The following KDM7A variants were observed in gnomAD, a reference collection of about 807,000 sequenced individuals.
KDM7A encodes lysine demethylase 7A.
KDM7A carries 28 observed loss-of-function variants against 114.8 expected under a neutral mutation model. That is an observed-to-expected ratio of 0.24 (90% CI 0.18 to 0.33). The LOEUF is 0.33. Ranked by LOEUF, KDM7A falls within the 10% of genes least tolerant of loss-of-function variation. The probability of loss-of-function intolerance (pLI) is 1.00; values close to 1 mark genes in which losing one functional copy is unlikely to be tolerated. For synonymous variants in KDM7A, 423 were observed against 397.8 expected, an observed-to-expected ratio of 1.06 and a Z score of -0.75; for missense variants, 942 against 1,142.5, an observed-to-expected ratio of 0.82 and a Z score of 2.53.
At position 140,176,967 on chromosome 7, in the gene KDM7A, T is replaced by C; in HGVS notation, c.-30A>G. On this transcript the variant is annotated 5_prime_UTR_variant, in exon 1 of 20. Coordinates refer to ENST00000397560, the MANE Select transcript of KDM7A (RefSeq NM_030647.2). The surrounding 1 kb of genome is among the most constrained non-coding windows in gnomAD (Gnocchi z 4.4). ...AAAAAACACACACACGCTCGCTCGCTACTCCGCTCGCCGACTGGAGCGAGC... is the reference window on the plus strand; with the variant it reads ...AAAAAACACACACACGCTCGCTCGCCACTCCGCTCGCCGACTGGAGCGAGC... 2.7e-6 allele frequency: 3 copies of C among 1,099,984 alleles called. No individual in the cohort carries two copies. The highest frequency in any genetic ancestry group is 4.0e-4 in the Middle Eastern group (1 of 2,530). The allele number at this position is 1,099,984 out of a possible 1,614,324, so 68.1% of individuals were successfully genotyped here.
intron 10 of KDM7A, among the ~76,000 whole-genome samples, chr7:140,112,762 G>C (rs1446646330): frequency 1.3e-5 from 2 of 152,158 alleles, no homozygotes; most frequent in East Asian, 3.8e-4. Context: ...CCCAGTTGAA[G>C]GAAACACAAA....
rs6975136 is a variant in KDM7A at position 140,091,937 on chromosome 7, C to G, written c.2598G>C (p.Ser866=). 3 of 1,613,810 alleles carry G rather than the reference C, an allele frequency of 1.9e-6. No homozygotes were observed. Among genetic ancestry groups the G allele is most frequent in the Non-Finnish European group, 2.5e-6 (3 of 1,180,012 alleles). ...GKYMQNSNLT[S]GACQISNGSL... is the part of the protein sequence containing the mutation. ...TGCCATTACTTATCTGGCACGCCCC[C>G]GAAGTCAGGTTTGAATTCTGCATAT... The change falls in exon 19 of 20, where the codon TCG becomes TCC. Residue 866 remains serine (S), a synonymous_variant. Coordinates refer to ENST00000397560, the MANE Select transcript of KDM7A (RefSeq NM_030647.2).
chr7:140,106,822 T>C (rs890931665), intron 11 of KDM7A, among the ~76,000 whole-genome samples: 1 of 152,180 alleles, frequency 6.6e-6, no homozygotes, highest in Admixed American at 6.5e-5. Context: ...GCAAGCTGAG[T>C]TCAATTCCTG....
chr7:140,121,272 T>C (rs62491411), intron 7 of KDM7A, among the ~76,000 whole-genome samples: 1 of 152,184 alleles, frequency 6.6e-6, no homozygotes, highest in African/African-American at 2.4e-5. Flanking sequence ...GTCTAACTTT[T>C]GAAAAAAATG....
At chr7:140,091,753 C>A in intron 19 of KDM7A, 51 bp downstream of exon 19, 8 of 1,588,684 alleles carry the variant, frequency 5.0e-6, no homozygotes, top group Non-Finnish European at 6.0e-6. Context: ...GCCATGATGA[C>A]CATCACATAC....
At position 140,086,016 on chromosome 7, in the gene KDM7A, T is replaced by C. The variant is rs2116723733; in HGVS notation, c.*5078A>G. 1 of 152,326 alleles carries C rather than the reference T, an allele frequency of 6.6e-6. No homozygotes were observed. The highest frequency in any genetic ancestry group is 1.5e-5 in the Non-Finnish European group (1 of 68,024). 9.4% of individuals were successfully genotyped at this position (152,326 alleles called of 1,614,324 possible). On this transcript the variant is annotated 3_prime_UTR_variant, in exon 20 of 20. Coordinates refer to ENST00000397560, the MANE Select transcript of KDM7A (RefSeq NM_030647.2). The stretch of plus-strand genomic sequence containing the variant: ...TGATCATTGTTTTGGTGAAAAATCT[T>C]GGAGGAAAACAGCTGACATTTTGAA...
intron 1 of KDM7A, among the ~76,000 whole-genome samples, chr7:140,157,438 A>G (rs1794469598): frequency 6.6e-6 from 1 of 152,200 alleles, no homozygotes; most frequent in Non-Finnish European, 1.5e-5. Context: ...GGGTCGCCTG[A>G]GCCCAGGAGT....
intron 2 of KDM7A, among the ~76,000 whole-genome samples, chr7:140,135,663 T>C (rs570575547): frequency 6.6e-6 from 1 of 152,336 alleles, no homozygotes; most frequent in South Asian, 2.1e-4. Context: ...AAGCACTTAG[T>C]TCATTCTGAA....
rs559301996 is a variant in KDM7A at position 140,084,839 on chromosome 7, C to T, written c.*6255G>A. 1.0e-3 allele frequency: 159 copies of T among 152,180 alleles called. No homozygotes were observed. Among genetic ancestry groups the T allele is most frequent in the African/African-American group, 3.5e-3 (145 of 41,480 alleles). The allele number at this position is 152,180 out of a possible 1,614,324, so 9.4% of individuals were successfully genotyped here. ...TCAAACAAAATGAGCAAAAAATACA[C>T]TAAGTGCTAAAAAAATCAAAACAGA... On this transcript the variant is annotated 3_prime_UTR_variant, in exon 20 of 20. Transcript: ENST00000397560.
chr7:140,161,927 T>C (rs1392792850), intron 1 of KDM7A, among the ~76,000 whole-genome samples: 1 of 152,230 alleles, frequency 6.6e-6, no homozygotes, highest in Non-Finnish European at 1.5e-5. Flanking sequence ...AAACAGTGAA[T>C]ACTCACCTGA....
At chr7:140,127,352 C>T in intron 5 of KDM7A, 90 bp downstream of exon 5, 1 of 1,170,120 alleles carries the variant, frequency 8.5e-7, no homozygotes, top group Non-Finnish European at 1.2e-6. Context: ...TTAGAAGTCA[C>T]AACTATGTTT....
chr7:140,171,071 C>T (rs1414279338), intron 1 of KDM7A, among the ~76,000 whole-genome samples: 1 of 52,634 alleles, frequency 1.9e-5, no homozygotes, highest in East Asian at 3.4e-4. Flanking sequence ...CCCCCAACAA[C>T]AACAACAACA....
At chr7:140,141,016 A>G (rs1562956424) in intron 1 of KDM7A, among the ~76,000 whole-genome samples, 1 of 152,198 alleles carries the variant, frequency 6.6e-6, no homozygotes, top group East Asian at 1.9e-4. Context: ...AACCAACAAT[A>G]TAAAGCTAAA....
At chr7:140,148,472 A>C (rs1794366233) in intron 1 of KDM7A, among the ~76,000 whole-genome samples, 1 of 152,110 alleles carries the variant, frequency 6.6e-6, no homozygotes, top group Non-Finnish European at 1.5e-5. Flanking sequence ...TTTTTAAGAA[A>C]ATTAATATAC....
rs150517967 is a variant in KDM7A at position 140,084,863 on chromosome 7, GAAGT to G, written c.*6227_*6230del. 1,298 of 152,166 alleles carry G rather than the reference GAAGT, an allele frequency of 8.5e-3. 13 individuals carry two copies. The highest frequency in any genetic ancestry group is 0.03 in the African/African-American group (1,242 of 41,504). 9.4% of individuals were successfully genotyped at this position (152,166 alleles called of 1,614,324 possible). On this transcript the variant is annotated 3_prime_UTR_variant, in exon 20 of 20. Coordinates refer to ENST00000397560, the MANE Select transcript of KDM7A (RefSeq NM_030647.2). The stretch of plus-strand genomic sequence containing the variant: ...ACTAAGTGCTAAAAAAATCAAAACA[GAAGT>G]AATACAATTTTAATTTCAATATTTT...
At chr7:140,107,432 G>C (rs1195481013) in intron 11 of KDM7A, among the ~76,000 whole-genome samples, 1 of 152,126 alleles carries the variant, frequency 6.6e-6, no homozygotes, top group Non-Finnish European at 1.5e-5. Context: ...TCCATGTTTA[G>C]TGCTTCCTTC....
chr7:140,174,669 C>G (rs1794682107), intron 1 of KDM7A, among the ~76,000 whole-genome samples: 1 of 152,074 alleles, frequency 6.6e-6, no homozygotes, highest in Non-Finnish European at 1.5e-5. Flanking sequence ...GGCGCGATCT[C>G]GGCTCACTGC....
chr7:140,133,122 T>G (rs536617333), intron 3 of KDM7A, among the ~76,000 whole-genome samples: 5 of 152,238 alleles, frequency 3.3e-5, no homozygotes, highest in African/African-American at 1.2e-4. Context: ...AGGGCAGAGA[T>G]GCATATAAAA....
chr7:140,122,227 C>T (rs1203155267), intron 7 of KDM7A, among the ~76,000 whole-genome samples: 1 of 152,224 alleles, frequency 6.6e-6, no homozygotes, highest in Admixed American at 6.5e-5. Context: ...TTCTCTAATG[C>T]TGCTGTGCCT....
Sources: gnomAD v4.1 joint callset for allele counts (sites outside exome capture counted in the v4.1 genomes callset) on GRCh38, gnomAD v4.1.1 for gene constraint, Gnocchi (gnomAD v3.1) non-coding constraint, MANE v1.5 for transcripts, NCBI Gene and HGNC (gene_info 2026-07-23, HGNC 2026-07-21) for gene names.